Variants in PDE4D observed in about 807,000 individuals in gnomAD.
The protein encoded by PDE4D is phosphodiesterase 4D, also known as 3',5'-cyclic-AMP phosphodiesterase 4D.
In PDE4D, 24 loss-of-function variants were observed where a neutral mutation model predicts 87.4. The observed-to-expected ratio is 0.27, with a 90% CI of 0.20 to 0.39. The LOEUF is 0.39. Among genes scored for constraint, PDE4D ranks in the 10% least tolerant of loss-of-function variants. The pLI, the probability that PDE4D is intolerant of heterozygous loss-of-function variation, is 1.00. For synonymous variants in PDE4D, 384 were observed against 383.2 expected (o/e 1.00, Z -0.02); for missense variants, 714 against 1,041.0 (o/e 0.69, Z 4.32).
At chr5:59,773,909 G>T (rs955883058) in intron 1 of PDE4D, among the ~76,000 whole-genome samples, 1 of 151,994 alleles carries the variant, frequency 6.6e-6, no homozygotes, top group Non-Finnish European at 1.5e-5. Flanking sequence ...TCCCAACAAA[G>T]AAAATAAATA....
At chr5:60,231,364 A>T (rs1249920546) in intron 1 of PDE4D, among the ~76,000 whole-genome samples, 1 of 152,050 alleles carries the variant, frequency 6.6e-6, no homozygotes, top group Admixed American at 6.6e-5. Flanking sequence ...TGAAACAATA[A>T]GATATAAACT....
At chr5:59,968,186 G>A (rs1228089191) in intron 3 of PDE4D, among the ~76,000 whole-genome samples, 2 of 151,864 alleles carry the variant, frequency 1.3e-5, no homozygotes, top group African/African-American at 4.8e-5. Flanking sequence ...GTTTCTCCAT[G>A]TTGGTCAGGC....
chr5:59,609,377 T>TACACATACAC (rs1828673858), intron 1 of PDE4D, among the ~76,000 whole-genome samples: 1 of 147,584 alleles, frequency 6.8e-6, no homozygotes, highest in South Asian at 2.2e-4. Flanking sequence ...TTTGTATATG[T>TACACATACAC]ACACACACAC....
intron 1 of PDE4D, among the ~76,000 whole-genome samples, chr5:59,418,758 C>T (rs1794040271): frequency 6.6e-6 from 1 of 152,152 alleles, no homozygotes; most frequent in Non-Finnish European, 1.5e-5. Flanking sequence ...AACCAATTCT[C>T]GTGCCTCAGA....
At chr5:60,519,001 G>A (rs540740826) in intron 1 of PDE4D, among the ~76,000 whole-genome samples, 1 of 152,232 alleles carries the variant, frequency 6.6e-6, no homozygotes, top group African/African-American at 2.4e-5. Context: ...CCAGAAACGG[G>A]GCTAACGTCA....
chr5:59,158,503 C>G (rs1170213500), intron 5 of PDE4D, among the ~76,000 whole-genome samples: 1 of 152,110 alleles, frequency 6.6e-6, no homozygotes, highest in Non-Finnish European at 1.5e-5. Context: ...TTGTTGAAAA[C>G]TCAAAATAGC....
intron 2 of PDE4D, among the ~76,000 whole-genome samples, chr5:60,011,572 C>A (rs77563391): frequency 6.6e-6 from 1 of 152,044 alleles, no homozygotes; most frequent in African/African-American, 2.4e-5. Flanking sequence ...TTTTATTAAG[C>A]CCTGTCTTTT....
At chr5:59,584,623 G>T (rs1168761570) in intron 1 of PDE4D, among the ~76,000 whole-genome samples, 1 of 152,154 alleles carries the variant, frequency 6.6e-6, no homozygotes, top group African/African-American at 2.4e-5. Flanking sequence ...CCAGTCAAAA[G>T]TATAGGTGAG....
intron 5 of PDE4D, among the ~76,000 whole-genome samples, chr5:59,146,101 T>G (rs1255739818): frequency 6.6e-6 from 1 of 152,200 alleles, no homozygotes; most frequent in Middle Eastern, 3.2e-3. Context: ...CACTCCAGCC[T>G]GGGTGACAGA....
intron 6 of PDE4D, among the ~76,000 whole-genome samples, chr5:58,993,788 G>C (rs538302648): frequency 6.6e-6 from 1 of 152,162 alleles, no homozygotes; most frequent in South Asian, 2.1e-4. Flanking sequence ...CCACCAGACT[G>C]ACCAGCACAA....
chr5:60,458,386 CAAAA>C (rs61006284), intron 1 of PDE4D, among the ~76,000 whole-genome samples: 7 of 75,186 alleles, frequency 9.3e-5, no homozygotes, highest in South Asian at 5.8e-4. Flanking sequence ...GACTTCATTG[CAAAA>C]AAAAAAAAAA....
At chr5:59,599,009 G>C (rs781255933) in intron 1 of PDE4D, among the ~76,000 whole-genome samples, 1 of 152,116 alleles carries the variant, frequency 6.6e-6, no homozygotes, top group Non-Finnish European at 1.5e-5. Context: ...GGATCCATTT[G>C]CTGGAGCAGA....
Position 59,626,391 on chromosome 5 carries a change from T to C in PDE4D, c.455+266777A>G, listed in dbSNP as rs879860349. The stretch of plus-strand genomic sequence containing the variant: ...TTTCAATTTGTCAGTTATATCCCAA[T>C]AAAGCTGAAAGTACTATTGAATTCT... On this transcript the variant is annotated intron_variant, in intron 1 of 14. Transcript: ENST00000340635. Among the ~76,000 whole-genome samples the C allele has an allele frequency of 1.5e-4, 23 of 152,212 alleles. 1 individual carries two copies. Among genetic ancestry groups the C allele is most frequent in the Admixed American group, 7.9e-4 (12 of 15,282 alleles).
intron 4 of PDE4D, among the ~76,000 whole-genome samples, chr5:59,182,066 T>G (rs190288012): frequency 9.8e-5 from 15 of 152,302 alleles, no homozygotes; most frequent in Admixed American, 4.6e-4. Flanking sequence ...GGATTAAAAT[T>G]TTGTGTTTGA....
At chr5:58,991,502 T>C (rs1191080931) in intron 8 of PDE4D, among the ~76,000 whole-genome samples, 2 of 152,162 alleles carry the variant, frequency 1.3e-5, no homozygotes, top group Non-Finnish European at 2.9e-5. Flanking sequence ...TAAGTATCAA[T>C]CACAAAGCAC....
chr5:60,043,570 G>T (rs541963790), intron 2 of PDE4D, among the ~76,000 whole-genome samples: 5 of 152,028 alleles, frequency 3.3e-5, no homozygotes, highest in African/African-American at 1.2e-4. Context: ...CTCACAAAGG[G>T]AAGCACATCA....
In PDE4D at chr5:60,443,545, G is replaced by C. The variant is rs1409953042; in HGVS notation, c.-90+44397C>G. On this transcript the variant is annotated intron_variant, in intron 1 of 16. Coordinates refer to the PDE4D transcript ENST00000502484. ...GCTGATGTAGAAGAATTTGAGGAGT[G>C]AAATTGAGCGGCTTATGTCAGATGA... is the stretch of plus-strand genomic sequence containing the variant. 3.3e-5 allele frequency among the ~76,000 whole-genome samples: 5 copies of C among 152,234 alleles called. No homozygotes were observed. The East Asian group carries it at 9.7e-4, about 29-fold the overall frequency.
At chr5:59,053,134 A>T (rs989332744) in intron 5 of PDE4D, among the ~76,000 whole-genome samples, 1 of 152,092 alleles carries the variant, frequency 6.6e-6, no homozygotes, top group African/African-American at 2.4e-5. Context: ...TAAGGTAAGC[A>T]AGGGGAAGAA....
intron 1 of PDE4D, among the ~76,000 whole-genome samples, chr5:59,257,329 C>G (rs903900318): frequency 6.6e-6 from 1 of 151,966 alleles, no homozygotes; most frequent in Non-Finnish European, 1.5e-5. Flanking sequence ...AAAAAGAACA[C>G]CACATACATC....
Sources: allele counts gnomAD v4.1 joint callset (sites outside exome capture counted in the v4.1 genomes callset), GRCh38; gene constraint gnomAD v4.1.1; transcripts MANE v1.5; gene names NCBI Gene and HGNC (gene_info 2026-07-23, HGNC 2026-07-21).